Variants in TBC1D22A observed in about 807,000 individuals in gnomAD.
TBC1D22A encodes the protein putative GTPase activator.
In TBC1D22A, 38 loss-of-function variants were observed where a neutral mutation model predicts 60.2. That is an observed-to-expected ratio of 0.63 (90% CI 0.49 to 0.83). The LOEUF (loss-of-function observed/expected upper bound fraction) is 0.83. TBC1D22A is among the 40% of genes least tolerant of loss of function. The pLI is 0.00. For missense variants in TBC1D22A, 628 were observed against 701.0 expected, an observed-to-expected ratio of 0.90 and a Z score of 1.18; for synonymous variants, 302 against 281.7, an observed-to-expected ratio of 1.07 and a Z score of -0.72.
At chr22:46,905,227 G>T (rs2147731173) in intron 7 of TBC1D22A, among the ~76,000 whole-genome samples, 1 of 152,076 alleles carries the variant, frequency 6.6e-6, no homozygotes, top group South Asian at 2.1e-4. Context: ...CAAAACACCA[G>T]CATAACTCAT....
In TBC1D22A at chr22:47,019,990, T is replaced by C. The variant is rs534362622; in HGVS notation, c.1202-17081T>C. ...TCCCCTCTCCCTTAGCCCTCCATCC[T>C]CCCCTCTCCCTTAACCCTCCATCCT... On this transcript the variant is annotated intron_variant, in intron 10 of 12. Transcript: ENST00000337137. 2.7e-5 allele frequency among the ~76,000 whole-genome samples: 4 copies of C among 146,860 alleles called. No homozygotes were observed. The South Asian group carries it at 9.1e-4, about 33-fold the overall frequency.
At chr22:46,871,104 C>A (rs2067274312) in intron 4 of TBC1D22A, among the ~76,000 whole-genome samples, 1 of 152,058 alleles carries the variant, frequency 6.6e-6, no homozygotes, top group Admixed American at 6.5e-5. Context: ...GACCTCAAGA[C>A]AAAGAGTTGT....
intron 4 of TBC1D22A, among the ~76,000 whole-genome samples, chr22:46,817,962 A>G (rs1296523111): frequency 2.0e-5 from 3 of 152,272 alleles, no homozygotes; most frequent in African/African-American, 7.2e-5. Flanking sequence ...GGCTGGTGTG[A>G]GATGGTGTCT....
At chr22:46,836,214 C>T (rs188742705) in intron 4 of TBC1D22A, among the ~76,000 whole-genome samples, 334 of 152,148 alleles carry the variant, frequency 2.2e-3, no homozygotes, top group African/African-American at 7.5e-3. Context: ...TCACAGTTAA[C>T]GCCAGTATAA....
At chr22:47,109,973 C>T (rs941519793) in intron 11 of TBC1D22A, among the ~76,000 whole-genome samples, 5 of 152,014 alleles carry the variant, frequency 3.3e-5, no homozygotes, top group South Asian at 2.1e-4. Flanking sequence ...GAGTGACAGT[C>T]GGAGGGATGC....
chr22:46,870,215 C>G (rs1015328539), intron 4 of TBC1D22A, among the ~76,000 whole-genome samples: 1 of 152,248 alleles, frequency 6.6e-6, no homozygotes, highest in African/African-American at 2.4e-5. Flanking sequence ...TTTGGCCAAG[C>G]TGGTCCTTGA....
At chr22:47,070,339 T>C (rs879191994) in intron 11 of TBC1D22A, among the ~76,000 whole-genome samples, 14 of 146,064 alleles carry the variant, frequency 9.6e-5, no homozygotes, top group South Asian at 4.5e-4. Flanking sequence ...TGTTGTTTGG[T>C]TGGAGCGGGG....
chr22:46,947,307 A>T (rs2147985661), intron 8 of TBC1D22A, among the ~76,000 whole-genome samples: 1 of 152,156 alleles, frequency 6.6e-6, no homozygotes, highest in Non-Finnish European at 1.5e-5. Flanking sequence ...TGTGAAGTCG[A>T]ATGGCTAAGG....
intron 1 of TBC1D22A, among the ~76,000 whole-genome samples, chr22:46,780,415 AC>A (rs1160516886): frequency 2.6e-5 from 4 of 151,110 alleles, no homozygotes; most frequent in Non-Finnish European, 5.9e-5. Flanking sequence ...TGCTATTTTC[AC>A]CTACTGCTGT....
intron 4 of TBC1D22A, among the ~76,000 whole-genome samples, chr22:46,822,880 G>C (rs1007017362): frequency 7.2e-5 from 11 of 152,122 alleles, no homozygotes. Flanking sequence ...TGGGGACCCT[G>C]GGCTAAGATC....
chr22:46,845,637 A>G (rs564647648), intron 4 of TBC1D22A, among the ~76,000 whole-genome samples: 9 of 152,308 alleles, frequency 5.9e-5, no homozygotes, highest in Non-Finnish European at 1.0e-4. Context: ...TATCATATCT[A>G]TCATTTAATT....
intron 11 of TBC1D22A, among the ~76,000 whole-genome samples, chr22:47,058,526 G>C (rs916340569): frequency 2.0e-5 from 3 of 151,858 alleles, no homozygotes; most frequent in Non-Finnish European, 4.4e-5. Flanking sequence ...CTTAGCTCTT[G>C]CCTCCCCTCC....
At chr22:46,762,985 C>T (rs984212276) in intron 1 of TBC1D22A, 137 bp downstream of exon 1, 40 of 762,578 alleles carry the variant, frequency 5.2e-5, no homozygotes, top group Middle Eastern at 3.1e-4. Context: ...GATGGTGTGA[C>T]GGGCGTTGGG....
intron 10 of TBC1D22A, 143 bp downstream of exon 10, chr22:46,997,852 G>C: frequency 1.5e-6 from 1 of 655,464 alleles, no homozygotes; most frequent in Admixed American, 2.7e-5. Flanking sequence ...TGAGACAGCT[G>C]CTGGTGCGTG....
chr22:47,154,645 T>C (rs1412805087), intron 12 of TBC1D22A, among the ~76,000 whole-genome samples: 2 of 152,166 alleles, frequency 1.3e-5, no homozygotes, highest in Admixed American at 6.5e-5. Context: ...CGGTTGCCTT[T>C]AGCAGGCAAT....
At chr22:46,896,702 A>C (rs2068696547) in intron 7 of TBC1D22A, among the ~76,000 whole-genome samples, 1 of 151,994 alleles carries the variant, frequency 6.6e-6, no homozygotes, top group African/African-American at 2.4e-5. Flanking sequence ...TGTTCCCTTC[A>C]TATCGCACCC....
chr22:46,900,149 GT>G (rs1354805420), intron 7 of TBC1D22A, among the ~76,000 whole-genome samples: 2,084 of 144,936 alleles, frequency 0.014, 29 homozygotes, highest in African/African-American at 0.047. Flanking sequence ...GACAGCTGTG[GT>G]TTTTTTTTTT....
intron 1 of TBC1D22A, among the ~76,000 whole-genome samples, chr22:46,784,631 G>A (rs2084081977): frequency 6.6e-6 from 1 of 152,218 alleles, no homozygotes; most frequent in Non-Finnish European, 1.5e-5. Flanking sequence ...AAAGCCTGTG[G>A]CCTGTGATAA....
intron 11 of TBC1D22A, among the ~76,000 whole-genome samples, chr22:47,081,069 G>A (rs1258502094): frequency 1.5e-5 from 2 of 131,820 alleles, no homozygotes; most frequent in Non-Finnish European, 3.1e-5. Flanking sequence ...GCGGTGAGCC[G>A]AAATTGTGCC....
Sources: allele counts gnomAD v4.1 joint callset (sites outside exome capture counted in the v4.1 genomes callset), GRCh38; gene constraint gnomAD v4.1.1; transcripts MANE v1.5; gene names NCBI Gene and HGNC (gene_info 2026-07-23, HGNC 2026-07-21).